MALRD1: variants seen among roughly 807,000 people sequenced by gnomAD.
MALRD1 encodes the protein MAM and LDL receptor class A domain containing 1.
MALRD1 carries 247 observed loss-of-function variants against 242.1 expected under a neutral mutation model. The ratio of observed to expected loss-of-function variants is 1.02; its 90% CI spans 0.92 to 1.13. The LOEUF (loss-of-function observed/expected upper bound fraction) is 1.13. Among genes scored for constraint, MALRD1 ranks in the 50% most tolerant of loss-of-function variants. MALRD1 has a pLI of 0.00. For synonymous variants in MALRD1, 995 were observed against 866.6 expected (o/e 1.15, Z -2.60); for missense variants, 2,989 against 2,533.1 (o/e 1.18, Z -3.86).
chr10:19,701,008 G>T (rs573467256), intron 38 of MALRD1, among the ~76,000 whole-genome samples: 1 of 152,090 alleles, frequency 6.6e-6, no homozygotes, highest in Non-Finnish European at 1.5e-5. Flanking sequence ...AATTAGCCAG[G>T]CATGGTGGTA....
At chr10:19,487,673 C>G (rs1837296409) in intron 29 of MALRD1, among the ~76,000 whole-genome samples, 2 of 152,000 alleles carry the variant, frequency 1.3e-5, no homozygotes, top group South Asian at 4.1e-4. Context: ...GAAAAAATGT[C>G]CACATACTGC....
chr10:19,729,170 C>CAT (rs1368074511), intron 38 of MALRD1, among the ~76,000 whole-genome samples: 1 of 152,184 alleles, frequency 6.6e-6, no homozygotes, highest in Non-Finnish European at 1.5e-5. Flanking sequence ...GCCAGCCAAA[C>CAT]ATAATTAGCT....
At chr10:19,602,032 T>C (rs1336523649) in intron 34 of MALRD1, among the ~76,000 whole-genome samples, 2 of 151,942 alleles carry the variant, frequency 1.3e-5, no homozygotes, top group Non-Finnish European at 2.9e-5. Context: ...CAAAATAAAA[T>C]AAATAAAACA....
chr10:19,061,723 G>A lies in MALRD1; in HGVS notation c.200-4996G>A, dbSNP rs531293233. Among the ~76,000 whole-genome samples the A allele has an allele frequency of 2.6e-3, 398 of 152,198 alleles. 1 individual carries two copies. The highest frequency in any genetic ancestry group is 4.3e-3 in the Non-Finnish European group (294 of 68,000). On this transcript the variant is annotated intron_variant, in intron 1 of 39. Transcript: ENST00000454679. ...TTTCAACAAAGGTGGTGGGAAAATT[G>A]GGTAGCCACAAGCAAAATAATTGGA...
At position 19,186,976 on chromosome 10, in the gene MALRD1, A is replaced by C. The variant is rs563264934; in HGVS notation, c.1951+11648A>C. Reference sequence around the variant, plus strand: ...ACGTCTCCCTGCCTTGCAGAAACACACCACTGTAGGGAGTGAAATGTACAC... The same window carrying C: ...ACGTCTCCCTGCCTTGCAGAAACACCCCACTGTAGGGAGTGAAATGTACAC... On this transcript the variant is annotated intron_variant, in intron 14 of 39. Coordinates refer to ENST00000454679, the MANE Select transcript of MALRD1 (RefSeq NM_001142308.3). Among the ~76,000 whole-genome samples, 3 of 152,250 alleles carry C rather than the reference A, an allele frequency of 2.0e-5. No homozygotes were observed. The East Asian group carries it at 5.8e-4, about 29-fold the overall frequency.
At chr10:19,377,458 C>G (rs1032974725) in intron 26 of MALRD1, among the ~76,000 whole-genome samples, 4 of 152,060 alleles carry the variant, frequency 2.6e-5, no homozygotes, top group African/African-American at 9.7e-5. Flanking sequence ...CAGGTCTGCT[C>G]CCTATTCAAT....
rs191905203 is a variant in MALRD1, at chr10:19,356,660, T to C, written c.4441+4363T>C. 8.5e-5 allele frequency among the ~76,000 whole-genome samples: 13 copies of C among 152,224 alleles called. No individual in the cohort carries two copies. The East Asian group carries it at 2.3e-3, about 27-fold the overall frequency. On this transcript the variant is annotated intron_variant, in intron 26 of 39. Coordinates refer to ENST00000454679, the MANE Select transcript of MALRD1 (RefSeq NM_001142308.3). The stretch of plus-strand genomic sequence containing the variant: ...CACATTTCAATTACCCAGTAGGTAC[T>C]CATGGCTATTGGTTACCCCAGTGGA...
At chr10:19,582,073 GT>G (rs1311275551) in intron 33 of MALRD1, among the ~76,000 whole-genome samples, 1 of 151,668 alleles carries the variant, frequency 6.6e-6, no homozygotes, top group African/African-American at 2.4e-5. Context: ...GGGGTTGTTT[GT>G]TTTTTTCTTG....
chr10:19,231,015 A>G (rs1159199597), intron 18 of MALRD1, among the ~76,000 whole-genome samples: 1 of 152,118 alleles, frequency 6.6e-6, no homozygotes, highest in Non-Finnish European at 1.5e-5. Context: ...TCAAAACTGA[A>G]GTTTGCCTAG....
At chr10:19,422,506 A>T (rs1368475375) in intron 28 of MALRD1, among the ~76,000 whole-genome samples, 1 of 152,164 alleles carries the variant, frequency 6.6e-6, no homozygotes, top group Admixed American at 6.5e-5. Context: ...AGTAAAGATA[A>T]TTATTACTCT....
At chr10:19,272,310 C>T (rs1840286973) in intron 19 of MALRD1, among the ~76,000 whole-genome samples, 1 of 151,778 alleles carries the variant, frequency 6.6e-6, no homozygotes, top group African/African-American at 2.4e-5. Context: ...AACAAAAAGA[C>T]ATTTCACAGA....
chr10:19,305,844 GTATATAC>G (rs1842142688), intron 21 of MALRD1, among the ~76,000 whole-genome samples: 1 of 127,536 alleles, frequency 7.8e-6, no homozygotes, highest in African/African-American at 3.0e-5. Flanking sequence ...TATATATTAT[GTATATAC>G]TATATACTAT....
At chr10:19,199,255 C>T (rs565307538) in intron 14 of MALRD1, among the ~76,000 whole-genome samples, 60 of 152,260 alleles carry the variant, frequency 3.9e-4, no homozygotes, top group South Asian at 2.5e-3. Flanking sequence ...CACCTATTTC[C>T]GGAATGTGTC....
At chr10:19,454,594 A>T (rs150853177) in intron 29 of MALRD1, among the ~76,000 whole-genome samples, 2 of 151,292 alleles carry the variant, frequency 1.3e-5, no homozygotes, top group African/African-American at 4.9e-5. Flanking sequence ...TTGTAAGTCA[A>T]ATCATTGTAA....
chr10:19,232,455 G>A (rs940707226), intron 18 of MALRD1, among the ~76,000 whole-genome samples: 6 of 151,914 alleles, frequency 3.9e-5, no homozygotes, highest in African/African-American at 1.4e-4. Flanking sequence ...TGGGATTATA[G>A]GCATGAGCCA....
intron 26 of MALRD1, among the ~76,000 whole-genome samples, chr10:19,355,653 C>T (rs1184535071): frequency 2.7e-5 from 4 of 150,784 alleles, no homozygotes; most frequent in South Asian, 4.2e-4. Flanking sequence ...AGTTCACTTT[C>T]CTATAAGCTA....
At chr10:19,097,575 C>T (rs1219092483) in intron 4 of MALRD1, among the ~76,000 whole-genome samples, 1 of 152,118 alleles carries the variant, frequency 6.6e-6, no homozygotes, top group Non-Finnish European at 1.5e-5. Flanking sequence ...ATGTAGTCCC[C>T]AATTCAGGTG....
intron 24 of MALRD1, among the ~76,000 whole-genome samples, chr10:19,337,031 A>T (rs886297239): frequency 6.6e-6 from 1 of 152,104 alleles, no homozygotes; most frequent in African/African-American, 2.4e-5. Flanking sequence ...CAGAAAATAT[A>T]TATTGTGTGT....
At chr10:19,338,788 T>C (rs1029450887) in intron 24 of MALRD1, among the ~76,000 whole-genome samples, 44 of 151,396 alleles carry the variant, frequency 2.9e-4, no homozygotes, top group African/African-American at 1.0e-3. Context: ...TAAGTAAAAC[T>C]AAGATATTAT....
Sources: allele counts gnomAD v4.1 joint callset (sites outside exome capture counted in the v4.1 genomes callset), GRCh38; gene constraint gnomAD v4.1.1; transcripts MANE v1.5; gene names NCBI Gene and HGNC (gene_info 2026-07-23, HGNC 2026-07-21).